The following PHGR1 variants were observed in gnomAD, a reference collection of about 807,000 sequenced individuals.
The protein encoded by PHGR1 is proline, histidine and glycine rich 1.
In PHGR1, 3 loss-of-function variants were observed where a neutral mutation model predicts 4.9. That is an observed-to-expected ratio of 0.61 (90% CI 0.28 to 1.58). The LOEUF (loss-of-function observed/expected upper bound fraction) is 1.58. PHGR1 is among the 40% of genes most tolerant of loss of function. The pLI is 0.11. For synonymous variants in PHGR1, 32 were observed against 46.1 expected, an observed-to-expected ratio of 0.69 and a Z score of 1.24; for missense variants, 81 against 118.7, an observed-to-expected ratio of 0.68 and a Z score of 1.48.
At chr15:40,353,156 C>T (rs1198951335) in intron 1 of PHGR1, 76 bp from the exon 2 acceptor site, 64 of 1,350,110 alleles carry the variant, frequency 4.7e-5, no homozygotes, top group Middle Eastern at 1.9e-4. Context: ...TGCGCGCGCG[C>T]GCGCATCCGT....
intron 1 of PHGR1, among the ~76,000 whole-genome samples, chr15:40,351,525 G>C (rs1382881241): frequency 2.0e-5 from 3 of 152,172 alleles, no homozygotes; most frequent in Non-Finnish European, 4.4e-5. Flanking sequence ...CTCACTAAGG[G>C]AAAGGACGAG....
At chr15:40,352,115 AT>A (rs1374414631) in intron 1 of PHGR1, among the ~76,000 whole-genome samples, 1 of 152,022 alleles carries the variant, frequency 6.6e-6, no homozygotes, top group Non-Finnish European at 1.5e-5. Flanking sequence ...AGGTGGGAGG[AT>A]TGCTTGAACC....
chr15:40,356,423 C>A lies in PHGR1; in HGVS notation c.*120C>A. 4 of 1,469,600 alleles carry A rather than the reference C, an allele frequency of 2.7e-6. No homozygotes were observed. Among genetic ancestry groups the A allele is most frequent in the Non-Finnish European group, 3.7e-6 (4 of 1,075,750 alleles). 91.0% of individuals were successfully genotyped at this position (1,469,600 alleles called of 1,614,324 possible). ...TAAACAGCCTCCTAGAGGCCACATT[C>A]TATTCTTTAAAGAGCCTGTCTTCCT... is the stretch of plus-strand genomic sequence containing the variant. On this transcript the variant is annotated 3_prime_UTR_variant, in exon 4 of 4. Transcript: ENST00000448599.
chr15:40,356,017 C>A, intron 3 of PHGR1, 56 bp from the exon 4 acceptor site: 1 of 1,501,314 alleles, frequency 6.7e-7, no homozygotes, highest in Non-Finnish European at 9.1e-7. Context: ...GAGCTGATCT[C>A]AGGTAAGCTT....
At chr15:40,354,262 G>C (rs140358612) in intron 2 of PHGR1, 83 bp from the exon 3 acceptor site, 146 of 1,473,196 alleles carry the variant, frequency 9.9e-5, no homozygotes, top group Admixed American at 1.4e-4. Flanking sequence ...AAAATCCTTA[G>C]TGCCAGGGAG....
intron 3 of PHGR1, 68 bp from the exon 4 acceptor site, chr15:40,356,005 G>C (rs982469354): frequency 6.8e-7 from 1 of 1,471,740 alleles, no homozygotes; most frequent in East Asian, 2.5e-5. Context: ...TGGAGTGAGG[G>C]AGAGCTGATC....
In PHGR1 at chr15:40,353,216, T is replaced by TTGA. The variant is rs770759694; in HGVS notation, c.-26-16_-26-15insTGA. ...ATTTAGATTACAGTAAATTAAAAGT[T>TTGA]ACCTTTTGAACACAGGTATTCCCTG... On this transcript the variant is annotated splice_polypyrimidine_tract_variant and intron_variant, in intron 1 of 3. Transcript: ENST00000448599. The TTGA allele has an allele frequency of 1.0e-5, 16 of 1,550,492 alleles. No individual in the cohort carries two copies. The highest frequency in any genetic ancestry group is 1.7e-4 in the Middle Eastern group (1 of 6,010).
At chr15:40,353,341 C>A (rs1365764186) in intron 2 of PHGR1, 74 bp downstream of exon 2, 2 of 1,542,848 alleles carry the variant, frequency 1.3e-6, no homozygotes, top group South Asian at 1.2e-5. Context: ...CAGGGACTAT[C>A]AGTCAGCCAT....
At chr15:40,356,035 A>G in intron 3 of PHGR1, 38 bp from the exon 4 acceptor site, 1 of 1,540,080 alleles carries the variant, frequency 6.5e-7, no homozygotes, top group Non-Finnish European at 8.8e-7. Context: ...CTTAGCCCTG[A>G]CCTCTGACTC....
rs369164974 is a variant in PHGR1, at chr15:40,353,332, A to C, written c.10+65A>C. 1.0e-4 allele frequency: 161 copies of C among 1,547,140 alleles called. No individual in the cohort carries two copies. The East Asian group carries it at 2.6e-3, about 25-fold the overall frequency. On this transcript the variant is annotated intron_variant, in intron 2 of 3. Coordinates refer to ENST00000448599, the MANE Select transcript of PHGR1 (RefSeq NM_001145643.2). ...GAGAGAGCAGGAGAGCGGTAAAGGCAGGGACTATCAGTCAGCCATAACTAG... is the reference window on the plus strand; with the variant it reads ...GAGAGAGCAGGAGAGCGGTAAAGGCCGGGACTATCAGTCAGCCATAACTAG...
intron 1 of PHGR1, among the ~76,000 whole-genome samples, chr15:40,352,496 G>C (rs372016029): frequency 6.6e-6 from 1 of 152,156 alleles, no homozygotes; most frequent in African/African-American, 2.4e-5. Context: ...TTGGCACCAC[G>C]TTACCTCAGC....
intron 3 of PHGR1, 35 bp downstream of exon 3, chr15:40,354,387 CT>C: frequency 1.3e-6 from 2 of 1,527,242 alleles, no homozygotes; most frequent in Non-Finnish European, 1.8e-6. Context: ...CCCCTTTTTC[CT>C]CCCACTGTCA....
At chr15:40,354,459 A>C (rs192237106) in intron 3 of PHGR1, 107 bp downstream of exon 3, 17 of 1,335,492 alleles carry the variant, frequency 1.3e-5, no homozygotes, top group African/African-American at 1.2e-4. Context: ...ACTTCCCCCA[A>C]ATGAAAAGAA....
chr15:40,354,397 C>T (rs1016990917), intron 3 of PHGR1, 45 bp downstream of exon 3: 25 of 1,517,494 alleles, frequency 1.6e-5, no homozygotes, highest in Non-Finnish European at 2.2e-5. Flanking sequence ...CTCCCACTGT[C>T]ATGTCCTCCA....
At chr15:40,351,946 A>G (rs1169794733) in intron 1 of PHGR1, among the ~76,000 whole-genome samples, 1 of 152,152 alleles carries the variant, frequency 6.6e-6, no homozygotes, top group Non-Finnish European at 1.5e-5. Context: ...CATATTGGAC[A>G]GGCTGGTCTC....
intron 1 of PHGR1, among the ~76,000 whole-genome samples, chr15:40,351,429 C>T (rs1482760547): frequency 6.6e-6 from 1 of 152,188 alleles, no homozygotes; most frequent in Non-Finnish European, 1.5e-5. Flanking sequence ...TCTCTTTCGT[C>T]TTACCCGATC....
At chr15:40,351,463 T>C (rs1250649262) in intron 1 of PHGR1, among the ~76,000 whole-genome samples, 1 of 152,204 alleles carries the variant, frequency 6.6e-6, no homozygotes, top group Non-Finnish European at 1.5e-5. Flanking sequence ...AGGTTTTCTT[T>C]ACCTCTCCTC....
chr15:40,352,240 A>C lies in PHGR1; in HGVS notation c.-26-992A>C, dbSNP rs111799843. Among the ~76,000 whole-genome samples the C allele has an allele frequency of 4.1e-3, 630 of 152,238 alleles. 4 individuals carry two copies. Among genetic ancestry groups the C allele is most frequent in the African/African-American group, 0.014 (599 of 41,528 alleles). ...AGAGGCACTAAGGCTCCCTAGAAAA[A>C]AAAGAGGTTCAGGGGGCTGTGTCTT... On this transcript the variant is annotated intron_variant, in intron 1 of 3. Coordinates refer to ENST00000448599, the MANE Select transcript of PHGR1 (RefSeq NM_001145643.2).
At chr15:40,351,286 C>T (rs895334708) in intron 1 of PHGR1, among the ~76,000 whole-genome samples, 2 of 152,190 alleles carry the variant, frequency 1.3e-5, no homozygotes, top group African/African-American at 4.8e-5. Context: ...TGATTTATAG[C>T]CTTTGCCATG....
Sources: allele counts gnomAD v4.1 joint callset (sites outside exome capture counted in the v4.1 genomes callset), GRCh38; gene constraint gnomAD v4.1.1; transcripts MANE v1.5; gene names NCBI Gene and HGNC (gene_info 2026-07-23, HGNC 2026-07-21).